TMCO4: variants seen among roughly 807,000 people sequenced by gnomAD.
The protein encoded by TMCO4 is transmembrane and coiled-coil domain-containing protein 4.
Under a neutral mutation model 64.7 loss-of-function variants are expected in TMCO4, and 58 were observed. The ratio of observed to expected loss-of-function variants is 0.90; its 90% confidence interval spans 0.73 to 1.12. TMCO4 has a LOEUF of 1.12. Ranked by LOEUF, TMCO4 falls within the 50% of genes most tolerant of loss-of-function variation. The probability of loss-of-function intolerance (pLI) is 0.00; values close to 1 mark genes in which losing one functional copy is unlikely to be tolerated. For missense variants in TMCO4, 780 were observed against 825.9 expected, an observed-to-expected ratio of 0.94 and a Z score of 0.68; for synonymous variants, 325 against 346.1, an observed-to-expected ratio of 0.94 and a Z score of 0.68.
intron 13 of TMCO4, among the ~76,000 whole-genome samples, chr1:19,733,664 G>C (rs114414962): frequency 6.6e-6 from 1 of 152,142 alleles, no homozygotes; most frequent in Non-Finnish European, 1.5e-5. Context: ...AATTGCCCAC[G>C]TGCTGCTGAT....
At position 19,740,950 on chromosome 1, in the gene TMCO4, A is replaced by G; in HGVS notation, c.878-9T>C. 1.9e-6 allele frequency: 3 copies of G among 1,591,710 alleles called. No homozygotes were observed. Among genetic ancestry groups the G allele is most frequent in the Non-Finnish European group, 2.6e-6 (3 of 1,168,814 alleles). On this transcript the variant is annotated splice_polypyrimidine_tract_variant and intron_variant, in intron 10 of 15. Transcript: ENST00000294543. The stretch of plus-strand genomic sequence containing the variant: ...CGGGGCACTGAAGGTGCCTGGGGAG[A>G]TCACAGGTAGGTGAAGTCTCTCTTG...
chr1:19,693,932 G>C (rs2095217264), intron 15 of TMCO4, among the ~76,000 whole-genome samples: 1 of 152,174 alleles, frequency 6.6e-6, no homozygotes, highest in African/African-American at 2.4e-5. Context: ...CAGTAATACA[G>C]GAGCAAGAGT....
chr1:19,756,143 C>T (rs1570915552), intron 6 of TMCO4, among the ~76,000 whole-genome samples: 1 of 152,172 alleles, frequency 6.6e-6, no homozygotes, highest in East Asian at 1.9e-4. Context: ...CCTAGCTACT[C>T]AGGGGGCTGA....
intron 13 of TMCO4, among the ~76,000 whole-genome samples, chr1:19,724,886 T>C (rs1365269169): frequency 6.6e-6 from 1 of 152,144 alleles, no homozygotes; most frequent in South Asian, 2.1e-4. Flanking sequence ...CTCAGCCTCC[T>C]GAGTAGCTGG....
chr1:19,714,159 A>G (rs1237896661), intron 13 of TMCO4, among the ~76,000 whole-genome samples: 1 of 151,598 alleles, frequency 6.6e-6, no homozygotes, highest in East Asian at 1.9e-4. Flanking sequence ...GTGGTCTCAA[A>G]CTCCTGGCCT....
At chr1:19,748,532 A>T (rs1400950663) in intron 7 of TMCO4, among the ~76,000 whole-genome samples, 1 of 152,160 alleles carries the variant, frequency 6.6e-6, no homozygotes, top group Non-Finnish European at 1.5e-5. Flanking sequence ...CATCTAAAAG[A>T]AATGGGATTT....
In TMCO4 at chr1:19,743,117, G is replaced by A. The variant is rs965969547; in HGVS notation, c.878-2176C>T. ...ACTGTAAAGTGCTCTACTGCATTGT[G>A]CTGTCCTATGGCCAAGAATATGGGC... On this transcript the variant is annotated intron_variant, in intron 10 of 15. Transcript: ENST00000294543. This position sits in a 1 kb window ranked among gnomAD's most constrained non-coding sequence, Gnocchi z 4.1. 4.6e-5 allele frequency among the ~76,000 whole-genome samples: 7 copies of A among 152,182 alleles called. No homozygotes were observed. Among genetic ancestry groups the A allele is most frequent in the African/African-American group, 1.7e-4 (7 of 41,438 alleles).
At chr1:19,727,875 T>C (rs899391859) in intron 13 of TMCO4, among the ~76,000 whole-genome samples, 15 of 152,266 alleles carry the variant, frequency 9.9e-5, no homozygotes, top group African/African-American at 3.4e-4. Context: ...GATGCAGCCA[T>C]AAAAATGAAT....
intron 13 of TMCO4, among the ~76,000 whole-genome samples, chr1:19,735,960 T>C (rs1017068067): frequency 2.6e-5 from 4 of 152,148 alleles, no homozygotes; most frequent in Admixed American, 6.5e-5. Flanking sequence ...GGAGTCTGCA[T>C]TGGCCGACAA....
chr1:19,757,159 C>CGGGG (rs113533292), intron 6 of TMCO4, among the ~76,000 whole-genome samples: 1 of 135,412 alleles, frequency 7.4e-6, no homozygotes, highest in African/African-American at 2.7e-5. Context: ...GGCGTGGTGG[C>CGGGG]GGGGGGGGGC....
chr1:19,709,982 T>C (rs1194232855), intron 13 of TMCO4, among the ~76,000 whole-genome samples: 1 of 152,026 alleles, frequency 6.6e-6, no homozygotes, highest in African/African-American at 2.4e-5. Context: ...GGTTTCTCCA[T>C]GTTGGTCAGG....
At chr1:19,695,423 G>A (rs914433140) in intron 14 of TMCO4, among the ~76,000 whole-genome samples, 6 of 152,240 alleles carry the variant, frequency 3.9e-5, no homozygotes, top group African/African-American at 9.6e-5. Flanking sequence ...GCAAGTCTGC[G>A]CACAGGCAAG....
chr1:19,751,679 G>C lies in TMCO4; in HGVS notation c.515+3955C>G, dbSNP rs72967417. The stretch of plus-strand genomic sequence containing the variant: ...AAGATATTTTTTCCTAAAGTTACTT[G>C]GCTAAGGCACTCTCTCCTAACGTTC... On this transcript the variant is annotated intron_variant, in intron 7 of 15. Transcript: ENST00000294543. Among the ~76,000 whole-genome samples the C allele has an allele frequency of 7.0e-3, 1,067 of 152,212 alleles. 12 individuals are homozygous for C. The highest frequency in any genetic ancestry group is 0.024 in the African/African-American group (995 of 41,534).
At chr1:19,757,198 T>G (rs1332392274) in intron 6 of TMCO4, among the ~76,000 whole-genome samples, 1 of 151,516 alleles carries the variant, frequency 6.6e-6, no homozygotes, top group Non-Finnish European at 1.5e-5. Flanking sequence ...CTTGGGAGGC[T>G]GAGGCATGAG....
chr1:19,790,364 CATCAGA>C (rs1470990208), intron 2 of TMCO4, among the ~76,000 whole-genome samples: 1 of 152,116 alleles, frequency 6.6e-6, no homozygotes, highest in African/African-American at 2.4e-5. Flanking sequence ...AAGAAACTAT[CATCAGA>C]GTGAACAGGC....
intron 7 of TMCO4, among the ~76,000 whole-genome samples, chr1:19,755,165 A>G (rs181397038): frequency 6.0e-4 from 92 of 152,228 alleles, no homozygotes; most frequent in Non-Finnish European, 1.1e-3. Context: ...TCACTCTGTC[A>G]CCCACACTGG....
chr1:19,792,022 T>G lies in TMCO4; in HGVS notation c.-100-4905A>C, dbSNP rs575820756. ...GATCTGATGACTTTTCGCTCGGTTC[T>G]CACTTCTCTCGTCTGCCATCATGTA... is the stretch of plus-strand genomic sequence containing the variant. On this transcript the variant is annotated intron_variant, in intron 2 of 15. Transcript: ENST00000294543. 3.9e-5 allele frequency among the ~76,000 whole-genome samples: 6 copies of G among 152,342 alleles called. No homozygotes were observed. In the South Asian group the frequency reaches 1.0e-3, roughly 26 times the overall value.
chr1:19,787,394 C>A (rs1008983028), intron 2 of TMCO4, among the ~76,000 whole-genome samples: 1 of 152,242 alleles, frequency 6.6e-6, no homozygotes, highest in African/African-American at 2.4e-5. Context: ...CCTTGTTCAA[C>A]TCTCTGTACC....
intron 14 of TMCO4, among the ~76,000 whole-genome samples, chr1:19,699,145 G>A (rs1361841932): frequency 1.3e-5 from 2 of 151,582 alleles, no homozygotes; most frequent in Non-Finnish European, 2.9e-5. Flanking sequence ...GCAGTGAGCT[G>A]AGATTGCAAC....
Sources: gnomAD v4.1 joint callset for allele counts (sites outside exome capture counted in the v4.1 genomes callset) on GRCh38, gnomAD v4.1.1 for gene constraint, Gnocchi (gnomAD v3.1) non-coding constraint, MANE v1.5 for transcripts, NCBI Gene and HGNC (gene_info 2026-07-23, HGNC 2026-07-21) for gene names.